The following NEURL1 variants were observed in gnomAD, a reference collection of about 807,000 sequenced individuals.
NEURL1 encodes neuralized E3 ubiquitin protein ligase 1.
NEURL1 carries 26 observed loss-of-function variants against 41.2 expected under a neutral mutation model. The ratio of observed to expected loss-of-function variants is 0.63; its 90% CI spans 0.46 to 0.87. The LOEUF (loss-of-function observed/expected upper bound fraction) is 0.87, where lower values mean the gene tolerates loss of function less well. Ranked by LOEUF, NEURL1 falls within the 40% of genes least tolerant of loss-of-function variation. The pLI is 0.00. For missense variants in NEURL1, 761 were observed against 871.1 expected (o/e 0.87, Z 1.59); for synonymous variants, 400 against 402.3 (o/e 0.99, Z 0.07).
At chr10:103,563,502 GCCAGCAC>G (rs2035351671) in intron 1 of NEURL1, among the ~76,000 whole-genome samples, 4 of 152,120 alleles carry the variant, frequency 2.6e-5, no homozygotes, top group Non-Finnish European at 5.9e-5. Flanking sequence ...AGATGATGAT[GCCAGCAC>G]TGGTATTCAG....
chr10:103,584,980 T>A lies in NEURL1; in HGVS notation c.1094T>A (p.Leu365Gln). Residue 365 changes from leucine (L) to glutamine (Q), a missense_variant, in exon 4 of 6, where the codon CTG becomes CAG. By Grantham distance (113) the Leu-to-Gln change is moderately radical. Transcript: ENST00000369780. Reference protein sequence around the residue: ...FGVTTCDPGTLRPADLPFSPE... With the variant: ...FGVTTCDPGTQRPADLPFSPE... ...GTCACCACGTGCGACCCCGGCACGCTGCGGCCGGCCGACCTGCCTTTCAGC... is the reference window on the plus strand; with the variant it reads ...GTCACCACGTGCGACCCCGGCACGCAGCGGCCGGCCGACCTGCCTTTCAGC... 6.5e-7 allele frequency: 1 copy of A among 1,534,556 alleles called. No homozygotes were observed. Among genetic ancestry groups the A allele is most frequent in the Non-Finnish European group, 8.7e-7 (1 of 1,150,122 alleles).
At chr10:103,567,383 A>G (rs17799455) in intron 1 of NEURL1, among the ~76,000 whole-genome samples, 4,365 of 151,978 alleles carry the variant, frequency 0.029, 105 homozygotes, top group Middle Eastern at 0.068. Flanking sequence ...ATTCTTGGCT[A>G]TTAATGCCTT....
intron 1 of NEURL1, among the ~76,000 whole-genome samples, chr10:103,517,647 T>A (rs2034247300): frequency 6.6e-6 from 1 of 152,160 alleles, no homozygotes; most frequent in Non-Finnish European, 1.5e-5. Context: ...GGTTCATGAG[T>A]CAAATCAGAA....
At chr10:103,548,148 C>G (rs2034960627) in intron 1 of NEURL1, among the ~76,000 whole-genome samples, 1 of 152,184 alleles carries the variant, frequency 6.6e-6, no homozygotes, top group African/African-American at 2.4e-5. Context: ...ACTGTTTAAT[C>G]TACTTCCTTA....
chr10:103,526,795 C>T (rs1438130190), intron 1 of NEURL1, among the ~76,000 whole-genome samples: 1 of 152,196 alleles, frequency 6.6e-6, no homozygotes, highest in African/African-American at 2.4e-5. Context: ...CAGGCATGAG[C>T]CACCACGCTG....
At chr10:103,539,216 G>A (rs2034766894) in intron 1 of NEURL1, among the ~76,000 whole-genome samples, 1 of 152,092 alleles carries the variant, frequency 6.6e-6, no homozygotes. Flanking sequence ...CAAATTGCTG[G>A]GATTAAGGCA....
intron 1 of NEURL1, among the ~76,000 whole-genome samples, chr10:103,499,951 A>G (rs186329128): frequency 6.6e-6 from 1 of 152,274 alleles, no homozygotes; most frequent in Admixed American, 6.5e-5. Flanking sequence ...GGGATATTCA[A>G]GGTCTCCATT....
Position 103,542,936 on chromosome 10 carries a change from G to T in NEURL1, c.86-27936G>T, listed in dbSNP as rs560483600. Among the ~76,000 whole-genome samples, 13 of 152,264 alleles carry T rather than the reference G, an allele frequency of 8.5e-5. No individual in the cohort carries two copies. The South Asian group carries it at 2.5e-3, about 29-fold the overall frequency. On this transcript the variant is annotated intron_variant, in intron 1 of 5. Transcript: ENST00000369780. ...CAGCCAGGGCAGAGATTTCTCTTGA[G>T]CACAGCTTCCTGTCATTAAAACAAA...
intron 1 of NEURL1, among the ~76,000 whole-genome samples, chr10:103,502,802 C>T (rs898974526): frequency 1.3e-5 from 2 of 152,188 alleles, no homozygotes; most frequent in Admixed American, 6.5e-5. Context: ...CTGGGCACTG[C>T]CCAGGGTGTG....
At chr10:103,582,337 C>T (rs891462049) in intron 3 of NEURL1, among the ~76,000 whole-genome samples, 2 of 152,172 alleles carry the variant, frequency 1.3e-5, no homozygotes, top group South Asian at 4.1e-4. Context: ...TCTCCTACCT[C>T]CCCCCTGCAC....
intron 1 of NEURL1, among the ~76,000 whole-genome samples, chr10:103,497,524 T>C (rs1487998079): frequency 6.6e-6 from 1 of 152,142 alleles, no homozygotes; most frequent in Non-Finnish European, 1.5e-5. Flanking sequence ...CTGGGACTGA[T>C]TGGAGATCTA....
At chr10:103,496,294 T>G (rs747137395) in intron 1 of NEURL1, among the ~76,000 whole-genome samples, 3 of 152,168 alleles carry the variant, frequency 2.0e-5, no homozygotes, top group Non-Finnish European at 4.4e-5. Flanking sequence ...CTTGGTAGAG[T>G]ACTATGCAGT....
chr10:103,574,964 A>C (rs973506621), intron 3 of NEURL1, among the ~76,000 whole-genome samples: 3 of 149,200 alleles, frequency 2.0e-5, no homozygotes, highest in African/African-American at 7.5e-5. Flanking sequence ...GCAGATTGAG[A>C]TATCCCTTCA....
intron 1 of NEURL1, among the ~76,000 whole-genome samples, chr10:103,522,523 A>ACC (rs1428409262): frequency 6.7e-6 from 1 of 148,268 alleles, no homozygotes; most frequent in Non-Finnish European, 1.5e-5. Flanking sequence ...AGTCACTTGA[A>ACC]CCCGGGAGGT....
At chr10:103,528,046 C>A (rs1252443382) in intron 1 of NEURL1, among the ~76,000 whole-genome samples, 1 of 151,998 alleles carries the variant, frequency 6.6e-6, no homozygotes, top group African/African-American at 2.4e-5. Flanking sequence ...ATGGTGAAAC[C>A]CTGTCACTAG....
chr10:103,561,107 C>T (rs1339517124), intron 1 of NEURL1, among the ~76,000 whole-genome samples: 1 of 152,202 alleles, frequency 6.6e-6, no homozygotes, highest in African/African-American at 2.4e-5. Context: ...GGTCCCTTGC[C>T]ACACGGGCTT....
chr10:103,553,294 C>G (rs1476909447), intron 1 of NEURL1, among the ~76,000 whole-genome samples: 2 of 152,142 alleles, frequency 1.3e-5, no homozygotes, highest in Admixed American at 1.3e-4. Context: ...CTCGTGTTTG[C>G]TGTTATTATG....
intron 4 of NEURL1, among the ~76,000 whole-genome samples, chr10:103,589,184 A>T (rs534925858): frequency 1.3e-5 from 2 of 152,278 alleles, no homozygotes; most frequent in East Asian, 1.9e-4. Context: ...TGCAGAAAGC[A>T]TACATGGGGA....
chr10:103,528,089 C>T (rs989539426), intron 1 of NEURL1, among the ~76,000 whole-genome samples: 9 of 152,094 alleles, frequency 5.9e-5, no homozygotes, highest in African/African-American at 2.2e-4. Context: ...GGCACGTTGG[C>T]TCATGCCTGT....
Sources: gnomAD v4.1 joint callset for allele counts (sites outside exome capture counted in the v4.1 genomes callset) on GRCh38, gnomAD v4.1.1 for gene constraint, MANE v1.5 for transcripts, NCBI Gene and HGNC (gene_info 2026-07-23, HGNC 2026-07-21) for gene names.